TEX11: variants seen among roughly 807,000 people sequenced by gnomAD.
TEX11 encodes the protein testis expressed 11.
In TEX11, 7 loss-of-function variants were observed where a neutral mutation model predicts 84.4. That is an observed-to-expected ratio of 0.08 (90% CI 0.05 to 0.16). TEX11 has a LOEUF of 0.16. Among genes scored for constraint, TEX11 ranks in the 10% least tolerant of loss-of-function variants. The pLI is 1.00. For missense variants in TEX11, 551 were observed against 660.5 expected (o/e 0.83, Z 1.82); for synonymous variants, 264 against 222.8 (o/e 1.18, Z -1.64).
chrX:70,866,211 C>A (rs1055264333), intron 4 of TEX11, among the ~76,000 whole-genome samples: 1 of 111,199 alleles, frequency 9.0e-6, no homozygotes, highest in African/African-American at 3.3e-5. Context: ...GGGGCTATCA[C>A]CACTGATCCC....
At position 70,856,748 on chromosome X, in the gene TEX11, T is replaced by C. The variant is rs1224123413; in HGVS notation, c.325-3420A>G. Among the ~76,000 whole-genome samples, 4 of 111,118 alleles carry C rather than the reference T, an allele frequency of 3.6e-5. No homozygotes were observed. In the East Asian group the frequency reaches 1.1e-3, roughly 31 times the overall value. Reference sequence around the variant, plus strand: ...AGAAAATAAGGGTTAAAGGAAACGATGGACTATTAAGTGACACCATGAAGA... The same window carrying C: ...AGAAAATAAGGGTTAAAGGAAACGACGGACTATTAAGTGACACCATGAAGA... On this transcript the variant is annotated intron_variant, in intron 5 of 29. Transcript: ENST00000374333.
intron 11 of TEX11, among the ~76,000 whole-genome samples, chrX:70,730,730 A>G (rs758288802): frequency 1.8e-5 from 2 of 111,743 alleles, no homozygotes; most frequent in South Asian, 7.6e-4. Flanking sequence ...CACTGTCAAC[A>G]TTAGACAGAT....
intron 13 of TEX11, among the ~76,000 whole-genome samples, chrX:70,699,306 G>A (rs1272263075): frequency 4.5e-5 from 5 of 111,322 alleles, no homozygotes; most frequent in Non-Finnish European, 7.5e-5. Context: ...TAAGACTCCA[G>A]GCAATAACCA....
chrX:70,529,785 C>T (rs781165007), intron 29 of TEX11, 50 bp downstream of exon 29: 19 of 1,139,573 alleles, frequency 1.7e-5, no homozygotes, highest in African/African-American at 5.4e-5. Context: ...CCAGCCATAA[C>T]CTCTTGCCCC....
intron 13 of TEX11, among the ~76,000 whole-genome samples, chrX:70,692,426 C>T (rs1244960906): frequency 9.0e-6 from 1 of 110,577 alleles, no homozygotes; most frequent in East Asian, 2.8e-4. Flanking sequence ...AGCAACAATA[C>T]CCCCTCTCCC....
At chrX:70,655,396 T>C (rs1019041671) in intron 16 of TEX11, among the ~76,000 whole-genome samples, 2 of 111,763 alleles carry the variant, frequency 1.8e-5, no homozygotes, top group Admixed American at 1.9e-4. Context: ...TGGTTTCTAC[T>C]AAATGTATAT....
intron 25 of TEX11, among the ~76,000 whole-genome samples, chrX:70,562,989 A>G (rs950163928): frequency 6.2e-5 from 7 of 112,412 alleles, no homozygotes; most frequent in Middle Eastern, 4.6e-3. Context: ...GTATTCCATT[A>G]TAGAGATGTA....
intron 15 of TEX11, among the ~76,000 whole-genome samples, chrX:70,675,819 G>A (rs1434426824): frequency 9.0e-6 from 1 of 110,871 alleles, no homozygotes. Context: ...TAGTAGAGAC[G>A]GGGTTTCACC....
chrX:70,515,981 T>C, the TEX11 span, among the ~76,000 whole-genome samples: 12 of 112,462 alleles, frequency 1.1e-4, no homozygotes, highest in Admixed American at 2.8e-4. Flanking sequence ...TGATTTTTTC[T>C]TGTAAATTTG....
At chrX:70,782,740 T>C (rs2091049845) in intron 9 of TEX11, among the ~76,000 whole-genome samples, 1 of 105,007 alleles carries the variant, frequency 9.5e-6, no homozygotes. Flanking sequence ...AAGAAGGCCA[T>C]TACATAATGG....
intron 15 of TEX11, among the ~76,000 whole-genome samples, chrX:70,677,925 T>G (rs1312288792): frequency 9.9e-6 from 1 of 100,646 alleles, no homozygotes; most frequent in Non-Finnish European, 2.0e-5. Flanking sequence ...GCGATTCCCC[T>G]GCCTCAGCCT....
At chrX:70,612,256 T>C (rs908033292) in intron 20 of TEX11, among the ~76,000 whole-genome samples, 3 of 111,341 alleles carry the variant, frequency 2.7e-5, no homozygotes, top group African/African-American at 9.8e-5. Context: ...ATGCCCAGCT[T>C]TTAAGAAAAA....
intron 13 of TEX11, among the ~76,000 whole-genome samples, chrX:70,701,814 C>G (rs2090328198): frequency 9.0e-6 from 1 of 111,163 alleles, no homozygotes; most frequent in Non-Finnish European, 1.9e-5. Context: ...CTCCAGTCGT[C>G]AAGGATGACT....
At position 70,709,818 on chromosome X, in the gene TEX11, C is replaced by T. The variant is rs180914357; in HGVS notation, c.1004+12800G>A. Among the ~76,000 whole-genome samples, 7 of 111,212 alleles carry T rather than the reference C, an allele frequency of 6.3e-5. No individual in the cohort carries two copies. In the East Asian group the frequency reaches 1.7e-3, roughly 27 times the overall value. On this transcript the variant is annotated intron_variant, in intron 13 of 29. Coordinates refer to ENST00000374333, the MANE Select transcript of TEX11 (RefSeq NM_031276.3). ...CAAGGCTTTCTGGTCTTTCTTTTTA[C>T]TTGATGAGCCTGAACAAATTGCTTC... is the stretch of plus-strand genomic sequence containing the variant.
chrX:70,853,425 T>C (rs1419686761), intron 5 of TEX11, 97 bp from the exon 6 acceptor site: 3 of 578,613 alleles, frequency 5.2e-6, no homozygotes, highest in East Asian at 3.6e-5. Context: ...TCTGTCCATA[T>C]TCAGTCTTAT....
chrX:70,879,082 C>T (rs1028036562), intron 3 of TEX11, among the ~76,000 whole-genome samples: 1 of 110,841 alleles, frequency 9.0e-6, no homozygotes, highest in East Asian at 2.8e-4. Flanking sequence ...CCATAGAGAC[C>T]AAAAGTAGAT....
At chrX:70,805,646 C>A (rs781374244) in intron 9 of TEX11, among the ~76,000 whole-genome samples, 2 of 111,966 alleles carry the variant, frequency 1.8e-5, no homozygotes, top group African/African-American at 6.5e-5. Flanking sequence ...GGTGATCTGC[C>A]CACCTTGGCC....
intron 7 of TEX11, among the ~76,000 whole-genome samples, chrX:70,848,977 G>A (rs73546734): frequency 0.018 from 1,980 of 111,925 alleles, 43 homozygotes; most frequent in African/African-American, 0.061. Flanking sequence ...GGGAAATGGG[G>A]AATTAGGAGA....
At chrX:70,807,627 G>C (rs1443902453) in intron 8 of TEX11, among the ~76,000 whole-genome samples, 1 of 111,212 alleles carries the variant, frequency 9.0e-6, no homozygotes, top group Non-Finnish European at 1.9e-5. Context: ...AGTTTTACCC[G>C]AGTAAGACTA....
Sources: allele counts gnomAD v4.1 joint callset (sites outside exome capture counted in the v4.1 genomes callset), GRCh38; gene constraint gnomAD v4.1.1; transcripts MANE v1.5; gene names NCBI Gene and HGNC (gene_info 2026-07-23, HGNC 2026-07-21).